The following SPAG16 variants were observed in gnomAD, a reference collection of about 807,000 sequenced individuals.
The protein encoded by SPAG16 is sperm associated antigen 16, also known as sperm-associated antigen 16 protein.
SPAG16 carries 86 observed loss-of-function variants against 80.4 expected under a neutral mutation model. That is an observed-to-expected ratio of 1.07 (90% confidence interval 0.90 to 1.28). The LOEUF is 1.28. Among genes scored for constraint, SPAG16 ranks in the 50% most tolerant of loss-of-function variants. The probability of loss-of-function intolerance (pLI) is 0.00; values close to 1 mark genes in which losing one functional copy is unlikely to be tolerated. For missense variants in SPAG16, 870 were observed against 765.3 expected, an observed-to-expected ratio of 1.14 and a Z score of -1.61; for synonymous variants, 294 against 265.9, an observed-to-expected ratio of 1.11 and a Z score of -1.03.
At chr2:214,363,748 G>A (rs1231664597) in intron 15 of SPAG16, among the ~76,000 whole-genome samples, 1 of 152,044 alleles carries the variant, frequency 6.6e-6, no homozygotes, top group Admixed American at 6.6e-5. Flanking sequence ...GAAACCAAAG[G>A]TTACAAAGAC....
intron 14 of SPAG16, among the ~76,000 whole-genome samples, chr2:214,112,965 G>T (rs574557781): frequency 6.6e-6 from 1 of 152,262 alleles, no homozygotes; most frequent in Admixed American, 6.5e-5. Flanking sequence ...GGTACTGGTT[G>T]TTCCTTTCTA....
rs141267547 is a variant in SPAG16 at position 213,649,322 on chromosome 2, T to G, written c.1070+159232T>G. Among the ~76,000 whole-genome samples, 21 of 152,324 alleles carry G rather than the reference T, an allele frequency of 1.4e-4. No individual in the cohort carries two copies. In the East Asian group the frequency reaches 3.9e-3, roughly 28 times the overall value. On this transcript the variant is annotated intron_variant, in intron 10 of 15. Transcript: ENST00000331683. ...TGTTGTAAATGGAGGAAAGTTAAAC[T>G]GGAAAGATAGGTCTGTGTTTCTGGA...
chr2:213,351,154 T>C lies in SPAG16; in HGVS notation c.762+509T>C, dbSNP rs561045570. Among the ~76,000 whole-genome samples the C allele has an allele frequency of 2.8e-4, 43 of 152,144 alleles. No homozygotes were observed. The South Asian group carries it at 6.4e-3, about 23-fold the overall frequency. ...GAGTGAGACAGTGTCTCAAAAAAATTAAATTAAATATCATTTAATTGAGAC... is the reference window on the plus strand; with the variant it reads ...GAGTGAGACAGTGTCTCAAAAAAATCAAATTAAATATCATTTAATTGAGAC... On this transcript the variant is annotated intron_variant, in intron 7 of 15. Transcript: ENST00000331683.
intron 4 of SPAG16, 119 bp downstream of exon 4, chr2:213,310,296 C>A: frequency 1.9e-6 from 1 of 529,720 alleles, no homozygotes; most frequent in Non-Finnish European, 3.3e-6. Context: ...AGAAACTTTT[C>A]CCATCTCCAG....
chr2:214,402,031 TG>T (rs1701736246), intron 15 of SPAG16, among the ~76,000 whole-genome samples: 1 of 152,006 alleles, frequency 6.6e-6, no homozygotes, highest in African/African-American at 2.4e-5. Context: ...TAACAGTACC[TG>T]ATAACTGGTG....
At chr2:214,084,183 GA>G (rs1269297987) in intron 13 of SPAG16, among the ~76,000 whole-genome samples, 2 of 152,106 alleles carry the variant, frequency 1.3e-5, no homozygotes, top group Non-Finnish European at 2.9e-5. Context: ...GGGAAAGATT[GA>G]GATTCTCAGT....
intron 15 of SPAG16, chr2:214,239,968 C>G (rs1418823166): frequency 6.6e-6 from 1 of 152,124 alleles, no homozygotes; most frequent in African/African-American, 2.4e-5. Context: ...TGTTACCCAT[C>G]ATTACATCCT....
intron 15 of SPAG16, among the ~76,000 whole-genome samples, chr2:214,169,465 A>G (rs762687736): frequency 1.1e-4 from 17 of 151,990 alleles, no homozygotes; most frequent in Admixed American, 1.1e-3. Context: ...TTGCTGAGAT[A>G]ATGAGGGTGG....
chr2:213,945,714 C>A (rs956124921), intron 12 of SPAG16, among the ~76,000 whole-genome samples: 8 of 152,116 alleles, frequency 5.3e-5, no homozygotes, highest in Non-Finnish European at 8.8e-5. Flanking sequence ...AGTTGACACT[C>A]AGTACTAACC....
chr2:213,410,327 A>T (rs2068892415), intron 9 of SPAG16, among the ~76,000 whole-genome samples: 1 of 152,228 alleles, frequency 6.6e-6, no homozygotes, highest in African/African-American at 2.4e-5. Flanking sequence ...CCCTGAAGGA[A>T]CTTACCAGGT....
At chr2:213,366,669 G>A (rs12613493) in intron 8 of SPAG16, among the ~76,000 whole-genome samples, 39,472 of 152,058 alleles carry the variant, frequency 0.26, 5,901 homozygotes, top group Middle Eastern at 0.44. Flanking sequence ...GACACATGGG[G>A]ATTATGGGAG....
At chr2:213,718,149 C>CAA (rs71063769) in intron 10 of SPAG16, among the ~76,000 whole-genome samples, 3,454 of 92,150 alleles carry the variant, frequency 0.037, 221 homozygotes, top group African/African-American at 0.095. Context: ...AACAAGTTTA[C>CAA]AAAAAAAAAA....
intron 9 of SPAG16, among the ~76,000 whole-genome samples, chr2:213,476,926 A>C (rs1482888889): frequency 2.6e-5 from 4 of 152,176 alleles, no homozygotes; most frequent in African/African-American, 7.2e-5. Flanking sequence ...GAGAGTGAGT[A>C]AGGCAGAGTA....
intron 10 of SPAG16, among the ~76,000 whole-genome samples, chr2:213,509,563 G>T (rs1292199677): frequency 1.3e-5 from 2 of 152,090 alleles, no homozygotes; most frequent in African/African-American, 4.8e-5. Flanking sequence ...ATACCAAAAT[G>T]TACGGGATAT....
intron 10 of SPAG16, among the ~76,000 whole-genome samples, chr2:213,514,854 A>G (rs1343258965): frequency 7.4e-6 from 1 of 135,968 alleles, no homozygotes; most frequent in Non-Finnish European, 1.5e-5. Flanking sequence ...AATCCTATTA[A>G]GTTATTTTAC....
chr2:213,445,154 G>A (rs1470807108), intron 9 of SPAG16, among the ~76,000 whole-genome samples: 1 of 152,066 alleles, frequency 6.6e-6, no homozygotes, highest in African/African-American at 2.4e-5. Flanking sequence ...TGGACAAATG[G>A]AATCACACCA....
chr2:213,378,879 A>C (rs765886486), intron 9 of SPAG16, among the ~76,000 whole-genome samples: 13 of 152,188 alleles, frequency 8.5e-5, no homozygotes, highest in Non-Finnish European at 1.9e-4. Flanking sequence ...GCATGGCAAT[A>C]CTAAGAGACA....
At chr2:213,670,642 T>C (rs16850672) in intron 10 of SPAG16, among the ~76,000 whole-genome samples, 1 of 152,142 alleles carries the variant, frequency 6.6e-6, no homozygotes, top group Non-Finnish European at 1.5e-5. Flanking sequence ...TTTCATGTAC[T>C]GATAGTATAT....
At chr2:214,114,039 C>T (rs747058469) in intron 14 of SPAG16, among the ~76,000 whole-genome samples, 1 of 151,092 alleles carries the variant, frequency 6.6e-6, no homozygotes, top group African/African-American at 2.4e-5. Context: ...GATGTTGATG[C>T]TATTCCTTTC....
Sources: gnomAD v4.1 joint callset for allele counts (sites outside exome capture counted in the v4.1 genomes callset) on GRCh38, gnomAD v4.1.1 for gene constraint, MANE v1.5 for transcripts, NCBI Gene and HGNC (gene_info 2026-07-23, HGNC 2026-07-21) for gene names.